PALD1: variants seen among roughly 807,000 people sequenced by gnomAD.
PALD1 encodes the protein paladin.
Under a neutral mutation model 96.0 loss-of-function variants are expected in PALD1, and 57 were observed. That is an observed-to-expected ratio of 0.59 (90% CI 0.48 to 0.74). PALD1 has a LOEUF of 0.74. PALD1 is among the 30% of genes least tolerant of loss of function. The probability of loss-of-function intolerance (pLI) is 0.00; values close to 1 mark genes in which losing one functional copy is unlikely to be tolerated. For synonymous variants in PALD1, 464 were observed against 473.6 expected (o/e 0.98, Z 0.26); for missense variants, 1,063 against 1,143.7 (o/e 0.93, Z 1.02).
rs188979423 is a variant in PALD1 at position 70,561,412 on chromosome 10, T to C, written c.2263-2952T>C. Among the ~76,000 whole-genome samples the C allele has an allele frequency of 2.6e-5, 4 of 152,332 alleles. No homozygotes were observed. In the East Asian group the frequency reaches 5.8e-4, roughly 22 times the overall value. On this transcript the variant is annotated intron_variant, in intron 18 of 19. Coordinates refer to ENST00000263563, the MANE Select transcript of PALD1 (RefSeq NM_014431.3). ...TAGGCTCCAGGCTTTCGGATGGAGC[T>C]TGGGGAAGGATAGAAGCAGCCTAAG... is the stretch of plus-strand genomic sequence containing the variant.
chr10:70,531,556 C>T, intron 5 of PALD1, 102 bp downstream of exon 5: 1 of 1,129,628 alleles, frequency 8.9e-7, no homozygotes, highest in South Asian at 1.6e-5. Context: ...CCGTGTTCCC[C>T]CACTGTTGTG....
intron 1 of PALD1, among the ~76,000 whole-genome samples, chr10:70,508,809 G>GTGTGTGTGTGTGTGTGTGTGTA (rs1235689118): frequency 2.6e-5 from 3 of 113,758 alleles, no homozygotes; most frequent in South Asian, 2.8e-4. Context: ...GTGTGTGTGT[G>GTGTGTGTGTGTGTGTGTGTGTA]TGTGTGTGTG....
chr10:70,465,670 C>G, the PALD1 span, among the ~76,000 whole-genome samples: 1 of 152,148 alleles, frequency 6.6e-6, no homozygotes, highest in Non-Finnish European at 1.5e-5. Context: ...CTGACACCCT[C>G]CAAGACATCA....
chr10:70,470,853 G>C, the PALD1 span, among the ~76,000 whole-genome samples: 1 of 152,018 alleles, frequency 6.6e-6, no homozygotes, highest in Non-Finnish European at 1.5e-5. Context: ...CCAGGCTGGA[G>C]TGCAATGACA....
Position 70,541,193 on chromosome 10 carries a change from G to C in PALD1, c.2000G>C (p.Arg667Pro), listed in dbSNP as rs200741279. 14 of 1,613,844 alleles carry C rather than the reference G, an allele frequency of 8.7e-6. No homozygotes were observed. Among genetic ancestry groups the C allele is most frequent in the Non-Finnish European group, 1.0e-5 (12 of 1,179,844 alleles). Residue 667 changes from arginine (R) to proline (P), a missense_variant, in exon 16 of 20, where the codon CGT (arginine) becomes CCT (proline). By Grantham distance (103) the Arg-to-Pro change is moderately radical. Coordinates refer to ENST00000263563, the MANE Select transcript of PALD1 (RefSeq NM_014431.3). Reference sequence around the variant, plus strand: ...TTCAGCTGCCTCAGCGGCCAGGGCCGTACCACAACTGCGATGGTGGTGGCT... The same window carrying C: ...TTCAGCTGCCTCAGCGGCCAGGGCCCTACCACAACTGCGATGGTGGTGGCT... The part of the protein sequence containing the change: ...FVFSCLSGQG[R>P]TTTAMVVAVL...
At chr10:70,459,864 T>G in the PALD1 span, among the ~76,000 whole-genome samples, 1 of 152,124 alleles carries the variant, frequency 6.6e-6, no homozygotes. Context: ...GCCCTCATCT[T>G]CACAGCCAGC....
At chr10:70,460,000 G>C in the PALD1 span, among the ~76,000 whole-genome samples, 100 of 152,322 alleles carry the variant, frequency 6.6e-4, no homozygotes, top group Admixed American at 2.2e-3. Context: ...CATGGCGTCT[G>C]CCCTGGCTTG....
Position 70,539,182 on chromosome 10 carries a change from G to A in PALD1, c.1660G>A (p.Glu554Lys), listed in dbSNP as rs371253823. The change falls in exon 14 of 20, where the codon GAG becomes AAG. Residue 554 changes from glutamate (E) to lysine (K), a missense_variant. By Grantham distance (56) the Glu-to-Lys change is moderately conservative. Transcript: ENST00000263563. The surrounding 1 kb of genome is among the most constrained non-coding windows in gnomAD (Gnocchi z 4.5). ...WVSLREEAVL[E>K]CDGHTYSLRW... ...GAGCCTTCGGGAGGAGGCCGTGTTG[G>A]AGTGTGACGGGCACACCTACAGCCT... The A allele has an allele frequency of 1.2e-5, 19 of 1,613,078 alleles. No homozygotes were observed. Among genetic ancestry groups the A allele is most frequent in the Non-Finnish European group, 1.4e-5 (16 of 1,179,682 alleles).
At chr10:70,501,276 A>G (rs1351476210) in intron 1 of PALD1, among the ~76,000 whole-genome samples, 2 of 152,180 alleles carry the variant, frequency 1.3e-5, no homozygotes, top group Non-Finnish European at 2.9e-5. Flanking sequence ...CAGGCCTCAC[A>G]GGCCTGCTGC....
intron 1 of PALD1, among the ~76,000 whole-genome samples, chr10:70,522,384 G>A (rs1220067639): frequency 3.3e-5 from 5 of 152,216 alleles, no homozygotes; most frequent in African/African-American, 9.7e-5. Context: ...AGAGCACCAG[G>A]TGCAGAATTG....
chr10:70,538,012 G>C, intron 11 of PALD1, 106 bp downstream of exon 11: 1 of 874,856 alleles, frequency 1.1e-6, no homozygotes, highest in Non-Finnish European at 1.8e-6. Context: ...CAAGGAACCG[G>C]GGAGGGAAGG....
At chr10:70,566,519 A>T in intron 19 of PALD1, 62 bp from the exon 20 acceptor site, 1 of 1,288,168 alleles carries the variant, frequency 7.8e-7, no homozygotes, top group Non-Finnish European at 1.1e-6. Flanking sequence ...TTCAGAACTC[A>T]GTGGCCTTAG....
rs139079630 is a variant in PALD1 at position 70,483,464 on chromosome 10, G to C, written c.-30+4405G>C. ...TCACTGCCAATGCTTTGGGCTCCCA[G>C]GGAGCTGGGGCTTTCAGAAATTCCC... On this transcript the variant is annotated intron_variant, in intron 1 of 19. Transcript: ENST00000263563. Among the ~76,000 whole-genome samples, 489 of 152,278 alleles carry C rather than the reference G, an allele frequency of 3.2e-3. 1 individual carries two copies. Among genetic ancestry groups the C allele is most frequent in the African/African-American group, 0.011 (437 of 41,542 alleles).
chr10:70,473,235 ACT>A, the PALD1 span, among the ~76,000 whole-genome samples: 1 of 151,942 alleles, frequency 6.6e-6, no homozygotes, highest in South Asian at 2.1e-4. Flanking sequence ...CCCCACCCCG[ACT>A]CTGCAGGAAA....
At chr10:70,544,479 G>A (rs1847320122) in intron 17 of PALD1, among the ~76,000 whole-genome samples, 1 of 152,022 alleles carries the variant, frequency 6.6e-6, no homozygotes, top group South Asian at 2.1e-4. Context: ...TATGTGGACT[G>A]GGGAGTGGAG....
rs947336915 is a variant in PALD1 at position 70,487,719 on chromosome 10, A to G, written c.-30+8660A>G. On this transcript the variant is annotated intron_variant, in intron 1 of 19. Transcript: ENST00000263563. ...TTTAAAAAAAAAAACAAAAAAACAA[A>G]AAACAGTTTTGTTGAGATATGTGCA... Among the ~76,000 whole-genome samples, 7 of 152,288 alleles carry G rather than the reference A, an allele frequency of 4.6e-5. No individual in the cohort carries two copies. In the South Asian group the frequency reaches 1.5e-3, roughly 32 times the overall value.
At chr10:70,500,478 C>T (rs7074756) in intron 1 of PALD1, among the ~76,000 whole-genome samples, 22,364 of 152,184 alleles carry the variant, frequency 0.15, 1,864 homozygotes, top group Admixed American at 0.22. Context: ...CTTAATTCTT[C>T]CCACAATACT....
At chr10:70,461,525 G>T in the PALD1 span, among the ~76,000 whole-genome samples, 3 of 152,214 alleles carry the variant, frequency 2.0e-5, no homozygotes, top group Non-Finnish European at 4.4e-5. Context: ...GTGAAGGAAA[G>T]GTGTGGAGGC....
intron 1 of PALD1, among the ~76,000 whole-genome samples, chr10:70,501,117 C>T (rs1846285551): frequency 6.6e-6 from 1 of 152,174 alleles, no homozygotes; most frequent in Admixed American, 6.5e-5. Flanking sequence ...AGGTCAAGTG[C>T]AATGCCCAGC....
Sources: gnomAD v4.1 joint callset for allele counts (sites outside exome capture counted in the v4.1 genomes callset) on GRCh38, gnomAD v4.1.1 for gene constraint, Gnocchi (gnomAD v3.1) non-coding constraint, MANE v1.5 for transcripts, NCBI Gene and HGNC (gene_info 2026-07-23, HGNC 2026-07-21) for gene names.